The following CERS6 variants were observed in gnomAD, a reference collection of about 807,000 sequenced individuals.
CERS6 encodes the protein ceramide synthase 6.
CERS6 carries 26 observed loss-of-function variants against 56.8 expected under a neutral mutation model. That is an observed-to-expected ratio of 0.46 (90% confidence interval 0.34 to 0.63). CERS6 has a LOEUF of 0.63. CERS6 is among the 30% of genes least tolerant of loss of function. The probability of loss-of-function intolerance (pLI) is 0.01; values close to 1 mark genes in which losing one functional copy is unlikely to be tolerated. For synonymous variants in CERS6, 164 were observed against 173.3 expected (o/e 0.95, Z 0.42); for missense variants, 415 against 467.5 (o/e 0.89, Z 1.04).
intron 1 of CERS6, among the ~76,000 whole-genome samples, chr2:168,506,333 T>C (rs1248426862): frequency 6.6e-6 from 1 of 152,166 alleles, no homozygotes; most frequent in Admixed American, 6.5e-5. Context: ...CGACCTGATG[T>C]GGCAAAATTA....
chr2:168,605,538 G>T (rs1684032664), intron 3 of CERS6, among the ~76,000 whole-genome samples: 1 of 152,190 alleles, frequency 6.6e-6, no homozygotes, highest in African/African-American at 2.4e-5. Context: ...GGAGCCTAGT[G>T]CTAACAGCCA....
intron 3 of CERS6, among the ~76,000 whole-genome samples, chr2:168,575,731 G>T (rs1297460340): frequency 6.6e-6 from 1 of 152,078 alleles, no homozygotes; most frequent in Non-Finnish European, 1.5e-5. Context: ...CTTTTCCTAA[G>T]AATTTTATGA....
At position 168,770,474 on chromosome 2, in the gene CERS6, A is replaced by AG. The variant is rs1305473209; in HGVS notation, c.*814dup. On this transcript the variant is annotated 3_prime_UTR_variant, in exon 10 of 10. Transcript: ENST00000305747. ...TCACTGAAGCTCATAGTTATAAACA[A>AG]GGAAATCACTGTTAAGAATGGGAAT... 15 of 152,714 alleles carry AG rather than the reference A, an allele frequency of 9.8e-5. No homozygotes were observed. The highest frequency in any genetic ancestry group is 3.6e-4 in the African/African-American group (15 of 41,582). The allele number at this position is 152,714 out of a possible 1,614,324, so 9.5% of individuals were successfully genotyped here.
At chr2:168,499,746 T>A (rs1694545833) in intron 1 of CERS6, among the ~76,000 whole-genome samples, 1 of 152,202 alleles carries the variant, frequency 6.6e-6, no homozygotes, top group Non-Finnish European at 1.5e-5. Flanking sequence ...ATACGTTTTG[T>A]GGTTTCATCA....
rs78115989 is a variant in CERS6, at chr2:168,664,331, T to C, written c.466-26703T>C. On this transcript the variant is annotated intron_variant, in intron 4 of 9. Coordinates refer to ENST00000305747, the MANE Select transcript of CERS6 (RefSeq NM_203463.3). The stretch of plus-strand genomic sequence containing the variant: ...ATGGCACTAGCAGCTTCCTTGGATG[T>C]TAGGGACTAAGTCTACACCTTAAGA... 0.015 allele frequency among the ~76,000 whole-genome samples: 2,208 copies of C among 152,240 alleles called. 108 individuals are homozygous for C. In the East Asian group the frequency reaches 0.16, roughly 11 times the overall value.
At chr2:168,749,865 G>A (rs1238379999) in intron 8 of CERS6, among the ~76,000 whole-genome samples, 1 of 152,244 alleles carries the variant, frequency 6.6e-6, no homozygotes, top group Non-Finnish European at 1.5e-5. Flanking sequence ...ACAGCTCTGT[G>A]TGTGCTCCTG....
At position 168,644,013 on chromosome 2, in the gene CERS6, G is replaced by A. The variant is rs1003589617; in HGVS notation, c.465+12971G>A. ...AAGGCATTCGCTAGTATATCCAGAG[G>A]GAAATGCCATTTTGTTAAGAACTGA... On this transcript the variant is annotated intron_variant, in intron 4 of 9. Coordinates refer to ENST00000305747, the MANE Select transcript of CERS6 (RefSeq NM_203463.3). 7 of 821,476 alleles carry A rather than the reference G, an allele frequency of 8.5e-6. No individual in the cohort carries two copies. The African/African-American group carries it at 1.3e-4, about 15-fold the overall frequency. The allele number at this position is 821,476 out of a possible 1,614,324, so 50.9% of individuals were successfully genotyped here.
chr2:168,527,376 A>G (rs559010189), intron 1 of CERS6, among the ~76,000 whole-genome samples: 277 of 152,238 alleles, frequency 1.8e-3, no homozygotes, highest in Non-Finnish European at 3.2e-3. Flanking sequence ...TCATATTATT[A>G]TCACCCAAAG....
At chr2:168,484,498 A>G (rs1407834136) in intron 1 of CERS6, among the ~76,000 whole-genome samples, 1 of 151,210 alleles carries the variant, frequency 6.6e-6, no homozygotes, top group East Asian at 1.9e-4. Flanking sequence ...TTTTTTTCCA[A>G]ATCTTGAGGA....
chr2:168,622,306 CA>C (rs1324041943), intron 3 of CERS6, among the ~76,000 whole-genome samples: 2 of 152,150 alleles, frequency 1.3e-5, no homozygotes, highest in African/African-American at 4.8e-5. Flanking sequence ...AGAACGTTTA[CA>C]AATTTATGCT....
At chr2:168,645,181 A>AGAGAGAGAGAGAGAGT (rs1332171299) in intron 4 of CERS6, among the ~76,000 whole-genome samples, 27 of 120,640 alleles carry the variant, frequency 2.2e-4, no homozygotes, top group Non-Finnish European at 3.7e-4. Flanking sequence ...AGAGAGAGAG[A>AGAGAGAGAGAGAGAGT]GAGAGAGAGT....
At chr2:168,465,866 G>C (rs189615932) in intron 1 of CERS6, among the ~76,000 whole-genome samples, 1 of 152,092 alleles carries the variant, frequency 6.6e-6, no homozygotes, top group African/African-American at 2.4e-5. Context: ...TATGCTATGT[G>C]TATTTTACCA....
chr2:168,520,059 C>T (rs1049464245), intron 1 of CERS6, among the ~76,000 whole-genome samples: 1 of 152,178 alleles, frequency 6.6e-6, no homozygotes, highest in Non-Finnish European at 1.5e-5. Context: ...AGTGTATAAG[C>T]ATTCCATTTG....
At chr2:168,581,282 G>C (rs988004799) in intron 3 of CERS6, among the ~76,000 whole-genome samples, 1 of 152,220 alleles carries the variant, frequency 6.6e-6, no homozygotes, top group African/African-American at 2.4e-5. Context: ...GCCTCCCAAA[G>C]TGCTGGGATT....
chr2:168,630,307 C>T (rs1486018168), intron 3 of CERS6, among the ~76,000 whole-genome samples: 3 of 134,626 alleles, frequency 2.2e-5, no homozygotes, highest in East Asian at 4.0e-4. Context: ...AGTATACACA[C>T]ACACACACAC....
intron 3 of CERS6, among the ~76,000 whole-genome samples, chr2:168,592,585 A>G (rs1683698229): frequency 6.6e-6 from 1 of 152,066 alleles, no homozygotes; most frequent in East Asian, 1.9e-4. Flanking sequence ...AATTAGCAGG[A>G]ATGAAAGGCT....
Position 168,674,131 on chromosome 2 carries a change from A to G in CERS6, c.466-16903A>G, listed in dbSNP as rs2105342567. The stretch of plus-strand genomic sequence containing the variant: ...AAAAGCAAGTCAAATTTCATGTGCA[A>G]GAAAAGTCAAGCCGAGAGTGTCTAA... On this transcript the variant is annotated intron_variant, in intron 4 of 9. Transcript: ENST00000305747. Among the ~76,000 whole-genome samples, 3 of 152,362 alleles carry G rather than the reference A, an allele frequency of 2.0e-5. 1 individual carries two copies. The highest frequency in any genetic ancestry group is 7.2e-5 in the African/African-American group (3 of 41,592).
At chr2:168,537,857 A>G (rs1695293296) in intron 1 of CERS6, among the ~76,000 whole-genome samples, 1 of 152,316 alleles carries the variant, frequency 6.6e-6, no homozygotes, top group East Asian at 1.9e-4. Flanking sequence ...TAGTAGCCTA[A>G]TAAGCATAAC....
At chr2:168,509,785 G>A (rs1039781674) in intron 1 of CERS6, among the ~76,000 whole-genome samples, 3 of 152,210 alleles carry the variant, frequency 2.0e-5, no homozygotes, top group African/African-American at 7.2e-5. Flanking sequence ...GTAGGGTCAG[G>A]TGCAGTGGCT....
Sources: gnomAD v4.1 joint callset for allele counts (sites outside exome capture counted in the v4.1 genomes callset) on GRCh38, gnomAD v4.1.1 for gene constraint, MANE v1.5 for transcripts, NCBI Gene and HGNC (gene_info 2026-07-23, HGNC 2026-07-21) for gene names.